The following TAFA2 variants were observed in gnomAD, a reference collection of about 807,000 sequenced individuals.
TAFA2 encodes chemokine-like protein TAFA-2.
Under a neutral mutation model 18.8 loss-of-function variants are expected in TAFA2, and 7 were observed. The ratio of observed to expected loss-of-function variants is 0.37; its 90% CI spans 0.21 to 0.70. TAFA2 has a LOEUF of 0.70. TAFA2 is among the 30% of genes least tolerant of loss of function. The pLI, the probability that TAFA2 is intolerant of heterozygous loss-of-function variation, is 0.53. For missense variants in TAFA2, 122 were observed against 158.1 expected (o/e 0.77, Z 1.23); for synonymous variants, 60 against 54.2 (o/e 1.11, Z -0.47).
intron 4 of TAFA2, among the ~76,000 whole-genome samples, chr12:61,716,672 A>T (rs924897680): frequency 3.3e-5 from 5 of 152,220 alleles, no homozygotes; most frequent in Admixed American, 3.3e-4. Context: ...AAAATGCATT[A>T]TGAACAATAG....
intron 2 of TAFA2, among the ~76,000 whole-genome samples, chr12:61,809,141 T>C (rs1871753855): frequency 6.6e-6 from 1 of 151,554 alleles, no homozygotes; most frequent in Admixed American, 6.6e-5. Flanking sequence ...ACAATGCCTA[T>C]AAATGAGCAG....
In TAFA2 at chr12:61,851,774, C is replaced by CAAAAAA. The variant is rs55651727; in HGVS notation, c.106+15540_106+15545dup. Among the ~76,000 whole-genome samples the CAAAAAA allele has an allele frequency of 7.6e-4, 11 of 14,502 alleles. 2 individuals are homozygous for CAAAAAA. The highest frequency in any genetic ancestry group is 7.5e-4 in the African/African-American group (5 of 6,644). 9.5% of individuals were successfully genotyped at this position (14,502 alleles called of 152,430 possible). On this transcript the variant is annotated intron_variant, in intron 2 of 4. Coordinates refer to ENST00000416284, the MANE Select transcript of TAFA2 (RefSeq NM_178539.5). ...TGGGCGACAGAGCGAGACTCCATCT[C>CAAAAAA]AAAAAAAAAAAAAAAAAAAAAAAAA...
At chr12:62,112,859 A>C (rs567203562) in intron 1 of TAFA2, among the ~76,000 whole-genome samples, 14 of 151,932 alleles carry the variant, frequency 9.2e-5, no homozygotes, top group Non-Finnish European at 1.6e-4. Context: ...CTCTAAACTG[A>C]TTATTCTAGT....
intron 1 of TAFA2, among the ~76,000 whole-genome samples, chr12:61,941,768 G>A (rs1252853155): frequency 1.3e-5 from 2 of 152,214 alleles, no homozygotes; most frequent in Non-Finnish European, 2.9e-5. Flanking sequence ...GGCACACCAC[G>A]AGACTATATC....
Position 61,710,327 on chromosome 12 carries a change from A to T in TAFA2, c.*79T>A, listed in dbSNP as rs1327327650. 1 of 1,349,046 alleles carries T rather than the reference A, an allele frequency of 7.4e-7. No homozygotes were observed. The highest frequency in any genetic ancestry group is 1.1e-6 in the Non-Finnish European group (1 of 942,402). 83.6% of individuals were successfully genotyped at this position (1,349,046 alleles called of 1,614,324 possible). On this transcript the variant is annotated 3_prime_UTR_variant, in exon 5 of 5. Coordinates refer to ENST00000416284, the MANE Select transcript of TAFA2 (RefSeq NM_178539.5). ...TTCAAGTGGTATAAAAATCTTCAAG[A>T]TCACCTCAGGAGTTGAGTTAAGTTT...
At chr12:61,718,531 A>C (rs971623443) in intron 4 of TAFA2, among the ~76,000 whole-genome samples, 1 of 152,230 alleles carries the variant, frequency 6.6e-6, no homozygotes, top group Non-Finnish European at 1.5e-5. Flanking sequence ...AGTCAACAGC[A>C]TATGGAATAA....
At chr12:62,099,254 C>T (rs1002554767) in intron 1 of TAFA2, among the ~76,000 whole-genome samples, 1 of 151,536 alleles carries the variant, frequency 6.6e-6, no homozygotes, top group African/African-American at 2.4e-5. Context: ...ACAAGAAGCA[C>T]GTAAATGAAA....
intron 1 of TAFA2, among the ~76,000 whole-genome samples, chr12:62,137,022 G>A (rs192844631): frequency 7.9e-4 from 120 of 152,206 alleles, no homozygotes; most frequent in African/African-American, 2.7e-3. Context: ...CTACTTTGGA[G>A]AGAACCCTCA....
At chr12:62,207,976 T>C (rs1337921351) in intron 1 of TAFA2, among the ~76,000 whole-genome samples, 2 of 152,192 alleles carry the variant, frequency 1.3e-5, no homozygotes, top group East Asian at 3.9e-4. Context: ...TCCTCATTCC[T>C]TGTGAACACT....
chr12:61,862,531 T>C (rs557494295), intron 2 of TAFA2, among the ~76,000 whole-genome samples: 2 of 152,206 alleles, frequency 1.3e-5, no homozygotes, highest in Non-Finnish European at 2.9e-5. Flanking sequence ...CAGTTATCCA[T>C]TGGTGGCTCT....
At chr12:61,986,496 G>T (rs1010244889) in intron 1 of TAFA2, among the ~76,000 whole-genome samples, 3 of 151,528 alleles carry the variant, frequency 2.0e-5, no homozygotes, top group African/African-American at 7.3e-5. Context: ...ATGGGATTTC[G>T]CTATGTTGGC....
chr12:61,753,491 A>C (rs958592001), intron 4 of TAFA2, 131 bp downstream of exon 4: 33 of 789,164 alleles, frequency 4.2e-5, no homozygotes, highest in Non-Finnish European at 6.4e-5. Context: ...CTAAGAAAAA[A>C]ATGGGGAAAA....
rs376190286 is a variant in TAFA2 at position 62,236,244 on chromosome 12, C to T, written c.-130+22519G>A. On this transcript the variant is annotated intron_variant, in intron 1 of 5. Coordinates refer to the TAFA2 transcript ENST00000551619. The stretch of plus-strand genomic sequence containing the variant: ...ATTTACTTTACCAGCGAGTTTATGC[C>T]TTCAAATGTTTTTTTTCTTTTTTTT... 1.9e-4 allele frequency among the ~76,000 whole-genome samples: 28 copies of T among 150,528 alleles called. No homozygotes were observed. The East Asian group carries it at 4.3e-3, about 23-fold the overall frequency.
At chr12:62,074,438 T>C (rs1018909755) in intron 1 of TAFA2, among the ~76,000 whole-genome samples, 47 of 152,352 alleles carry the variant, frequency 3.1e-4, no homozygotes, top group African/African-American at 1.1e-3. Context: ...ACATGTCTTA[T>C]GAGCTAATTA....
chr12:62,097,491 C>G (rs75917511), intron 1 of TAFA2, among the ~76,000 whole-genome samples: 8,237 of 152,140 alleles, frequency 0.054, 334 homozygotes, highest in Non-Finnish European at 0.083. Flanking sequence ...GGCATGCAAT[C>G]AAGTAGCAAA....
rs144574247 is a variant in TAFA2, at chr12:62,143,941, G to A, written c.-2+47318C>T. On this transcript the variant is annotated intron_variant, in intron 1 of 4. Transcript: ENST00000416284. ...CACATGCCTGTGGTCCAAGCTACTC[G>A]GGAGGCTGAGGTGGGAGGATCGCTT... Among the ~76,000 whole-genome samples, 1,487 of 151,378 alleles carry A rather than the reference G, an allele frequency of 9.8e-3. 19 individuals are homozygous for A. The highest frequency in any genetic ancestry group is 0.033 in the African/African-American group (1,375 of 41,220).
At chr12:62,233,966 C>G (rs1457619156) in intron 1 of TAFA2, among the ~76,000 whole-genome samples, 1 of 152,150 alleles carries the variant, frequency 6.6e-6, no homozygotes, top group African/African-American at 2.4e-5. Context: ...TAAGCTTGAG[C>G]CTGTAGAGGA....
intron 1 of TAFA2, among the ~76,000 whole-genome samples, chr12:62,058,822 G>T (rs1010981179): frequency 1.3e-5 from 2 of 152,192 alleles, no homozygotes; most frequent in Non-Finnish European, 2.9e-5. Flanking sequence ...ATATATCTGA[G>T]TGCGGGTGCA....
chr12:61,835,101 AC>A (rs1324672827), intron 2 of TAFA2, among the ~76,000 whole-genome samples: 6 of 151,958 alleles, frequency 3.9e-5, no homozygotes, highest in East Asian at 3.9e-4. Context: ...GGGGAAAAAA[AC>A]ATTTCGATTT....
Sources: gnomAD v4.1 joint callset for allele counts (sites outside exome capture counted in the v4.1 genomes callset) on GRCh38, gnomAD v4.1.1 for gene constraint, MANE v1.5 for transcripts, NCBI Gene and HGNC (gene_info 2026-07-23, HGNC 2026-07-21) for gene names.